ADGB: variants seen among roughly 807,000 people sequenced by gnomAD.
ADGB encodes calpain-7-like protein.
In ADGB, 172 loss-of-function variants were observed where a neutral mutation model predicts 210.5. The observed-to-expected ratio is 0.82, with a 90% CI of 0.72 to 0.93. The LOEUF (loss-of-function observed/expected upper bound fraction) is 0.93, where lower values mean the gene tolerates loss of function less well. Ranked by LOEUF, ADGB falls within the 40% of genes least tolerant of loss-of-function variation. The pLI is 0.00. For missense variants in ADGB, 2,025 were observed against 1,964.8 expected, an observed-to-expected ratio of 1.03 and a Z score of -0.58; for synonymous variants, 658 against 662.7, an observed-to-expected ratio of 0.99 and a Z score of 0.11.
rs1776307273 is a variant in ADGB at position 146,691,420 on chromosome 6, AT to A, written c.1486+131del. The A allele has an allele frequency of 3.6e-5, 2 of 56,156 alleles. 1 individual carries two copies. Among genetic ancestry groups the A allele is most frequent in the Non-Finnish European group, 5.5e-5 (2 of 36,604 alleles). 3.5% of individuals were successfully genotyped at this position (56,156 alleles called of 1,614,324 possible). On this transcript the variant is annotated intron_variant, in intron 11 of 35. Transcript: ENST00000397944. ...TCTAAAGCCTATGTTTAATATATAT[AT>A]ATATATATATATATATATATAAAAA...
At chr6:146,791,428 C>T (rs1391754882) in intron 33 of ADGB, among the ~76,000 whole-genome samples, 1 of 152,168 alleles carries the variant, frequency 6.6e-6, no homozygotes, top group Non-Finnish European at 1.5e-5. Context: ...GCTGCAGCCT[C>T]AACCTCCCAG....
intron 33 of ADGB, among the ~76,000 whole-genome samples, chr6:146,790,308 A>C (rs1168384203): frequency 1.3e-5 from 2 of 152,166 alleles, no homozygotes; most frequent in African/African-American, 4.8e-5. Context: ...GAAACTAACT[A>C]TACCCTTTGA....
At chr6:146,653,283 A>G (rs918201088) in intron 3 of ADGB, among the ~76,000 whole-genome samples, 2 of 152,004 alleles carry the variant, frequency 1.3e-5, no homozygotes, top group African/African-American at 4.8e-5. Flanking sequence ...ACATATTACA[A>G]TGGAATAACA....
intron 9 of ADGB, among the ~76,000 whole-genome samples, chr6:146,677,090 C>A (rs1583585820): frequency 6.6e-6 from 1 of 152,150 alleles, no homozygotes; most frequent in East Asian, 1.9e-4. Flanking sequence ...TTTGGACTTA[C>A]AAATTATTTC....
At chr6:146,617,003 G>A (rs535026174) in intron 1 of ADGB, among the ~76,000 whole-genome samples, 2 of 152,200 alleles carry the variant, frequency 1.3e-5, no homozygotes, top group African/African-American at 4.8e-5. Context: ...TATTTTGGAA[G>A]GGATTGCATT....
chr6:146,656,448 T>A (rs78934073), intron 4 of ADGB, among the ~76,000 whole-genome samples: 1,793 of 152,328 alleles, frequency 0.012, 31 homozygotes, highest in African/African-American at 0.041. Flanking sequence ...TTTCTCTCTC[T>A]CACACACAAA....
At chr6:146,602,794 C>T (rs559035381) in intron 1 of ADGB, among the ~76,000 whole-genome samples, 22 of 152,244 alleles carry the variant, frequency 1.4e-4, no homozygotes, top group African/African-American at 4.8e-4. Flanking sequence ...TTAGCAGAGG[C>T]GTTAAATTCT....
At chr6:146,805,892 A>G (rs575316495) in intron 35 of ADGB, among the ~76,000 whole-genome samples, 1 of 152,190 alleles carries the variant, frequency 6.6e-6, no homozygotes, top group Admixed American at 6.5e-5. Context: ...ATGTAGATAT[A>G]TTATAAATAC....
intron 9 of ADGB, among the ~76,000 whole-genome samples, chr6:146,683,388 A>G (rs1001370574): frequency 5.3e-5 from 8 of 152,242 alleles, no homozygotes; most frequent in Middle Eastern, 3.4e-3. Context: ...ATTCCTATCC[A>G]GCTTTTACAG....
chr6:146,667,503 A>G (rs925367844), intron 7 of ADGB, among the ~76,000 whole-genome samples: 1 of 152,000 alleles, frequency 6.6e-6, no homozygotes, highest in Non-Finnish European at 1.5e-5. Context: ...GTTTCTGTGT[A>G]TCTGCTTCTT....
At chr6:146,700,171 A>G (rs543045344) in intron 12 of ADGB, among the ~76,000 whole-genome samples, 17 of 152,324 alleles carry the variant, frequency 1.1e-4, no homozygotes, top group Admixed American at 5.9e-4. Flanking sequence ...AGTGACTGCT[A>G]TCACAACTTT....
intron 12 of ADGB, 34 bp downstream of exon 12, chr6:146,692,949 T>A (rs574732851): frequency 9.9e-6 from 12 of 1,211,718 alleles, no homozygotes; most frequent in Middle Eastern, 1.9e-4. Flanking sequence ...CAAATGTGTC[T>A]TGTTAGTAAA....
At chr6:146,650,070 G>A (rs2114877646) in intron 3 of ADGB, among the ~76,000 whole-genome samples, 1 of 152,220 alleles carries the variant, frequency 6.6e-6, no homozygotes, top group South Asian at 2.1e-4. Context: ...AAAGATAGCT[G>A]GATCCATGTT....
intron 9 of ADGB, 59 bp from the exon 10 acceptor site, chr6:146,685,675 C>A: frequency 3.9e-6 from 4 of 1,027,226 alleles, no homozygotes; most frequent in Non-Finnish European, 5.5e-6. Context: ...CTGGAGTGAG[C>A]AACTGACAGA....
At chr6:146,750,108 G>C (rs1777299010) in intron 26 of ADGB, among the ~76,000 whole-genome samples, 1 of 152,154 alleles carries the variant, frequency 6.6e-6, no homozygotes, top group Non-Finnish European at 1.5e-5. Context: ...TGCTGAGCTG[G>C]GAAGTTGGAA....
intron 17 of ADGB, among the ~76,000 whole-genome samples, 183 bp from the exon 18 acceptor site, chr6:146,724,003 A>G (rs1181941459): frequency 6.6e-6 from 1 of 151,574 alleles, no homozygotes; most frequent in Non-Finnish European, 1.5e-5. Flanking sequence ...AGGGAGGAAG[A>G]CCTAAGTGTT....
intron 1 of ADGB, among the ~76,000 whole-genome samples, chr6:146,630,972 G>T (rs1445509619): frequency 6.6e-6 from 1 of 152,134 alleles, no homozygotes; most frequent in East Asian, 1.9e-4. Flanking sequence ...GATTACCCTG[G>T]AGGAAAAGGA....
intron 14 of ADGB, among the ~76,000 whole-genome samples, chr6:146,716,453 C>A (rs959085656): frequency 7.0e-6 from 1 of 141,906 alleles, no homozygotes; most frequent in Non-Finnish European, 1.5e-5. Context: ...ATTAGCCGGG[C>A]GCGGTGGCGG....
At chr6:146,671,399 G>A (rs1051655318) in intron 7 of ADGB, among the ~76,000 whole-genome samples, 4 of 152,166 alleles carry the variant, frequency 2.6e-5, no homozygotes, top group Non-Finnish European at 5.9e-5. Context: ...AACGGACACT[G>A]TGTTTTATTT....
Sources: gnomAD v4.1 joint callset for allele counts (sites outside exome capture counted in the v4.1 genomes callset) on GRCh38, gnomAD v4.1.1 for gene constraint, MANE v1.5 for transcripts, NCBI Gene and HGNC (gene_info 2026-07-23, HGNC 2026-07-21) for gene names.